The following SPATA18 variants were observed in gnomAD, a reference collection of about 807,000 sequenced individuals.
SPATA18 encodes mitochondria-eating protein.
A neutral mutation model predicts 68.1 loss-of-function variants in SPATA18; 54 were observed. The ratio of observed to expected loss-of-function variants is 0.79; its 90% confidence interval spans 0.64 to 0.99. The LOEUF (loss-of-function observed/expected upper bound fraction) is 0.99, where lower values mean the gene tolerates loss of function less well. SPATA18 is among the 50% of genes least tolerant of loss of function. The probability of loss-of-function intolerance (pLI) is 0.00; values close to 1 mark genes in which losing one functional copy is unlikely to be tolerated. For synonymous variants in SPATA18, 242 were observed against 244.8 expected, an observed-to-expected ratio of 0.99 and a Z score of 0.11; for missense variants, 724 against 681.1, an observed-to-expected ratio of 1.06 and a Z score of -0.70.
intron 9 of SPATA18, among the ~76,000 whole-genome samples, 198 bp downstream of exon 9, chr4:52,080,117 T>A (rs1578187677): frequency 6.6e-6 from 1 of 152,172 alleles, no homozygotes; most frequent in South Asian, 2.1e-4. Context: ...AACATATTGG[T>A]CTTTGGGAGA....
At chr4:52,067,187 G>A (rs900723011) in intron 4 of SPATA18, among the ~76,000 whole-genome samples, 6 of 151,904 alleles carry the variant, frequency 3.9e-5, no homozygotes, top group Middle Eastern at 3.2e-3. Context: ...TTTAATAATC[G>A]CCATTCTGAC....
At position 52,051,685 on chromosome 4, in the gene SPATA18, G is replaced by A; in HGVS notation, c.-20G>A. 2 of 1,613,388 alleles carry A rather than the reference G, an allele frequency of 1.2e-6. No homozygotes were observed. The highest frequency in any genetic ancestry group is 1.7e-6 in the Non-Finnish European group (2 of 1,179,284). ...CCAAGTCTCCATCGCGCAGCGTGGG[G>A]CCGAGAGGAATAGTGAGCGATGGCG... On this transcript the variant is annotated 5_prime_UTR_variant, in exon 1 of 13. Transcript: ENST00000295213.
intron 6 of SPATA18, among the ~76,000 whole-genome samples, chr4:52,073,361 T>G (rs1009346942): frequency 2.0e-5 from 3 of 152,224 alleles, no homozygotes; most frequent in African/African-American, 7.2e-5. Context: ...CTAGCTAGTC[T>G]GATAATTTAC....
rs1280362034 is a variant in SPATA18 at position 52,094,554 on chromosome 4, A to G, written c.1591A>G (p.Ile531Val). Residue 531 changes from isoleucine (I) to valine (V), a missense_variant, in exon 12 of 13, where the codon ATA (isoleucine) becomes GTA (valine). Transcript: ENST00000295213. ...TMSRSRSPSPIRCGLPRF is the reference protein window; with the variant it reads ...TMSRSRSPSPVRCGLPRF ...GTCTCGAAGTCGGAGTCCTTCTCCA[A>G]TAAGATGTGGATTGCCAAGTAAGTG... 6 of 1,613,536 alleles carry G rather than the reference A, an allele frequency of 3.7e-6. No homozygotes were observed. Among genetic ancestry groups the G allele is most frequent in the Admixed American group, 1.7e-5 (1 of 59,858 alleles).
rs1227983965 is a variant in SPATA18 at position 52,051,395 on chromosome 4, C to A, written c.-310C>A. 6.9e-6 allele frequency: 2 copies of A among 288,974 alleles called. No homozygotes were observed. The highest frequency in any genetic ancestry group is 6.5e-5 in the East Asian group (1 of 15,392). The allele number at this position is 288,974 out of a possible 1,614,324, so 17.9% of individuals were successfully genotyped here. On this transcript the variant is annotated 5_prime_UTR_variant, in exon 1 of 13. Transcript: ENST00000295213. ...CCGCGCGCGTCCCTGGCAGCCAACC[C>A]GTCCACGTCAAGGTTTGTTTAATAA...
chr4:52,091,643 A>T (rs1741968912), intron 11 of SPATA18, among the ~76,000 whole-genome samples: 1 of 152,156 alleles, frequency 6.6e-6, no homozygotes, highest in East Asian at 1.9e-4. Flanking sequence ...TTTCCTCTGG[A>T]AGCTTTAACC....
At chr4:52,071,478 C>T (rs1449774707) in intron 5 of SPATA18, among the ~76,000 whole-genome samples, 1 of 152,078 alleles carries the variant, frequency 6.6e-6, no homozygotes, top group Non-Finnish European at 1.5e-5. Flanking sequence ...TTAAATATTC[C>T]AATTAATATG....
chr4:52,074,973 G>T (rs1324848044), intron 6 of SPATA18, among the ~76,000 whole-genome samples: 2 of 152,184 alleles, frequency 1.3e-5, no homozygotes, highest in Non-Finnish European at 2.9e-5. Flanking sequence ...TCATCTAGAG[G>T]ATGACTTTGA....
chr4:52,062,472 G>C, intron 4 of SPATA18, 140 bp downstream of exon 4: 1 of 626,524 alleles, frequency 1.6e-6, no homozygotes, highest in South Asian at 1.9e-5. Context: ...GTGTCTGTGG[G>C]CATGTGTGTA....
At chr4:52,075,551 T>TG (rs1003159712) in intron 6 of SPATA18, among the ~76,000 whole-genome samples, 1 of 152,176 alleles carries the variant, frequency 6.6e-6, no homozygotes, top group African/African-American at 2.4e-5. Context: ...GTTAGGGATT[T>TG]GGGGGTCAAA....
At chr4:52,077,500 T>G (rs1740496171) in intron 7 of SPATA18, among the ~76,000 whole-genome samples, 1 of 151,748 alleles carries the variant, frequency 6.6e-6, no homozygotes, top group Non-Finnish European at 1.5e-5. Context: ...TATTCATATA[T>G]ATATGAATAG....
intron 11 of SPATA18, among the ~76,000 whole-genome samples, chr4:52,094,207 G>A (rs1423611764): frequency 6.6e-6 from 1 of 152,116 alleles, no homozygotes; most frequent in Non-Finnish European, 1.5e-5. Flanking sequence ...TTTTATAAAG[G>A]ATCTCCCAGA....
intron 11 of SPATA18, among the ~76,000 whole-genome samples, chr4:52,093,773 A>G (rs1044895147): frequency 6.6e-6 from 1 of 152,166 alleles, no homozygotes; most frequent in Admixed American, 6.5e-5. Context: ...TTTCTTTCTC[A>G]TGTTGTGCTC....
At chr4:52,088,734 T>C (rs924765338) in intron 11 of SPATA18, among the ~76,000 whole-genome samples, 1 of 152,222 alleles carries the variant, frequency 6.6e-6, no homozygotes, top group African/African-American at 2.4e-5. Context: ...GATATTGGCC[T>C]GAAATTTTCT....
In SPATA18 at chr4:52,060,667, T is replaced by A. The variant is rs567884182; in HGVS notation, c.194-115T>A. ...TGATGTGTGTATTCTCTCTTTTTTTTTTAATTATACTTTAAGTTTTAGGGT... is the reference window on the plus strand; with the variant it reads ...TGATGTGTGTATTCTCTCTTTTTTTATTAATTATACTTTAAGTTTTAGGGT... On this transcript the variant is annotated intron_variant, in intron 2 of 12. Coordinates refer to ENST00000295213, the MANE Select transcript of SPATA18 (RefSeq NM_145263.4). 1.9e-4 allele frequency: 222 copies of A among 1,161,716 alleles called. 2 individuals are homozygous for A. The South Asian group carries it at 3.1e-3, about 16-fold the overall frequency. 72.0% of individuals were successfully genotyped at this position (1,161,716 alleles called of 1,614,324 possible). A position where few individuals can be genotyped will look rare whatever the true frequency, so the allele number is the denominator to read the frequency against.
chr4:52,072,289 T>G (rs943162375), intron 6 of SPATA18, 133 bp downstream of exon 6: 5 of 1,388,034 alleles, frequency 3.6e-6, no homozygotes, highest in Middle Eastern at 3.9e-4. Flanking sequence ...AGCTTTGAAT[T>G]GTAAAGGGAT....
At chr4:52,070,161 A>G (rs1242426680) in intron 5 of SPATA18, among the ~76,000 whole-genome samples, 1 of 151,934 alleles carries the variant, frequency 6.6e-6, no homozygotes, top group Non-Finnish European at 1.5e-5. Flanking sequence ...AGTGACTGTT[A>G]CCATTTTACA....
At chr4:52,086,788 G>A (rs1181185208) in intron 11 of SPATA18, among the ~76,000 whole-genome samples, 1 of 152,124 alleles carries the variant, frequency 6.6e-6, no homozygotes, top group African/African-American at 2.4e-5. Context: ...CCCAGTAATG[G>A]CATTGCTGGG....
chr4:52,082,846 A>T (rs17611952), intron 10 of SPATA18: 141,683 of 984,970 alleles, frequency 0.14, 10,887 homozygotes, highest in South Asian at 0.3. Flanking sequence ...AATCCTAAGC[A>T]CTTAAAATCA....
Sources: allele counts gnomAD v4.1 joint callset (sites outside exome capture counted in the v4.1 genomes callset), GRCh38; gene constraint gnomAD v4.1.1; transcripts MANE v1.5; gene names NCBI Gene and HGNC (gene_info 2026-07-23, HGNC 2026-07-21).